Variants in FYB1 observed in about 807,000 individuals in gnomAD.
FYB1 encodes FYN binding protein 1.
FYB1 carries 41 observed loss-of-function variants against 94.1 expected under a neutral mutation model. That is an observed-to-expected ratio of 0.44 (90% CI 0.34 to 0.57). The LOEUF is 0.57. Among genes scored for constraint, FYB1 ranks in the 20% least tolerant of loss-of-function variants. The pLI, the probability that FYB1 is intolerant of heterozygous loss-of-function variation, is 0.02. For synonymous variants in FYB1, 367 were observed against 353.2 expected, an observed-to-expected ratio of 1.04 and a Z score of -0.44; for missense variants, 1,050 against 976.8, an observed-to-expected ratio of 1.07 and a Z score of -1.00.
At chr5:39,144,362 A>G (rs1405692262) in intron 3 of FYB1, among the ~76,000 whole-genome samples, 1 of 152,234 alleles carries the variant, frequency 6.6e-6, no homozygotes, top group Non-Finnish European at 1.5e-5. Flanking sequence ...AATACAGAGG[A>G]GACAGGGACA....
upstream of FYB1, among the ~76,000 whole-genome samples, chr5:39,220,508 A>C (rs1033853583): frequency 6.6e-6 from 1 of 152,016 alleles, no homozygotes; most frequent in Non-Finnish European, 1.5e-5. Context: ...AAAGAAAAGA[A>C]AAGACAAGAA....
chr5:39,142,066 T>G (rs1461885421), intron 3 of FYB1, among the ~76,000 whole-genome samples: 2 of 152,204 alleles, frequency 1.3e-5, no homozygotes, highest in Admixed American at 1.3e-4. Flanking sequence ...TGACCATTTA[T>G]ATTTTCTATT....
chr5:39,146,395 C>T (rs190533735), intron 3 of FYB1, among the ~76,000 whole-genome samples: 1 of 152,256 alleles, frequency 6.6e-6, no homozygotes, highest in East Asian at 1.9e-4. Context: ...CACTACCAGG[C>T]CATAAACACC....
intron 2 of FYB1, among the ~76,000 whole-genome samples, chr5:39,159,915 T>C (rs1180434575): frequency 2.0e-5 from 3 of 152,266 alleles, no homozygotes; most frequent in Non-Finnish European, 4.4e-5. Context: ...TCTGATATCT[T>C]CAACTCTATA....
chr5:39,216,255 T>C (rs1444773772), intron 1 of FYB1, among the ~76,000 whole-genome samples: 2 of 152,228 alleles, frequency 1.3e-5, no homozygotes, highest in African/African-American at 2.4e-5. Flanking sequence ...TTAAACTTTT[T>C]TCGTGTGTGT....
intron 1 of FYB1, among the ~76,000 whole-genome samples, chr5:39,258,948 A>C (rs1196027900): frequency 6.6e-6 from 1 of 152,152 alleles, no homozygotes; most frequent in Admixed American, 6.6e-5. Context: ...CACTCTGTGA[A>C]ACCAAGGGCA....
At position 39,124,514 on chromosome 5, in the gene FYB1, C is replaced by T. The variant is rs181744871; in HGVS notation, c.2046-236G>A. Among the ~76,000 whole-genome samples the T allele has an allele frequency of 1.3e-3, 200 of 152,190 alleles. 1 individual carries two copies. The Middle Eastern group carries it at 0.024, about 18-fold the overall frequency. ...AAATGTTTGCCAAAATGTCCAGAGT[C>T]AAGATACTCAATTGGTTTATTTTGC... On this transcript the variant is annotated intron_variant, in intron 12 of 18. Coordinates refer to ENST00000512982, the MANE Select transcript of FYB1 (RefSeq NM_001465.6).
intron 1 of FYB1, among the ~76,000 whole-genome samples, chr5:39,204,261 A>G (rs1312174901): frequency 6.6e-6 from 1 of 152,106 alleles, no homozygotes; most frequent in East Asian, 1.9e-4. Context: ...GGGTAAATAC[A>G]TGTGCTTTGT....
At chr5:39,218,555 T>G (rs1750057142) in intron 1 of FYB1, among the ~76,000 whole-genome samples, 2 of 152,220 alleles carry the variant, frequency 1.3e-5, no homozygotes. Context: ...ATATTAATTA[T>G]TATTTTACAT....
chr5:39,189,275 T>C (rs1747148692), intron 2 of FYB1, among the ~76,000 whole-genome samples: 1 of 150,912 alleles, frequency 6.6e-6, no homozygotes, highest in African/African-American at 2.4e-5. Context: ...TATTAGGCAT[T>C]GAAAATAAAC....
intron 2 of FYB1, among the ~76,000 whole-genome samples, chr5:39,189,916 C>T (rs1747207431): frequency 6.6e-6 from 1 of 152,184 alleles, no homozygotes; most frequent in Admixed American, 6.5e-5. Context: ...AATCCCCAAA[C>T]CCATCCAAGT....
intron 2 of FYB1, among the ~76,000 whole-genome samples, chr5:39,154,642 G>A (rs1235059553): frequency 6.6e-6 from 1 of 151,996 alleles, no homozygotes; most frequent in African/African-American, 2.4e-5. Flanking sequence ...GAGTAGCTGG[G>A]ATTATAGGTG....
intron 1 of FYB1, among the ~76,000 whole-genome samples, chr5:39,245,815 G>T (rs539009148): frequency 5.3e-5 from 8 of 152,292 alleles, no homozygotes; most frequent in African/African-American, 1.9e-4. Flanking sequence ...GGCCAGGCTG[G>T]TCTCGAACTC....
intron 1 of FYB1, among the ~76,000 whole-genome samples, chr5:39,237,399 C>T (rs1208618353): frequency 1.3e-5 from 2 of 151,718 alleles, no homozygotes; most frequent in Non-Finnish European, 2.9e-5. Flanking sequence ...GTCTGTGGGT[C>T]CAGGTGTTAT....
intron 2 of FYB1, among the ~76,000 whole-genome samples, chr5:39,180,434 T>A (rs1401159944): frequency 1.3e-5 from 2 of 152,166 alleles, no homozygotes; most frequent in South Asian, 2.1e-4. Context: ...TAGGAGGAGA[T>A]CCTTTGTAAC....
chr5:39,175,540 A>T (rs1019990362), intron 2 of FYB1, among the ~76,000 whole-genome samples: 2 of 152,208 alleles, frequency 1.3e-5, no homozygotes, highest in Non-Finnish European at 2.9e-5. Context: ...TTGCTGTGAA[A>T]GCAGGTAGAA....
chr5:39,158,161 AT>A (rs1421398936), intron 2 of FYB1, among the ~76,000 whole-genome samples: 3 of 152,222 alleles, frequency 2.0e-5, no homozygotes. Flanking sequence ...CACAAAAACA[AT>A]TCTTAAAAAT....
At chr5:39,133,017 T>A (rs899566401) in intron 9 of FYB1, among the ~76,000 whole-genome samples, 2 of 152,320 alleles carry the variant, frequency 1.3e-5, no homozygotes, top group South Asian at 4.1e-4. Flanking sequence ...ATAATTTATG[T>A]TTAGAACATG....
rs1580352392 is a variant in FYB1 at position 39,134,924 on chromosome 5, G to T, written c.1606C>A (p.Gln536Lys). The change falls in exon 8 of 19, where the codon CAA becomes AAA. Residue 536 changes from glutamine to lysine, a missense_variant. Coordinates refer to ENST00000512982, the MANE Select transcript of FYB1 (RefSeq NM_001465.6). ...TCTGTGATGCGGATGATTTCAATTTGCTCTCCTTGCTTGAAGCTCAGTTCA... is the reference window on the plus strand; with the variant it reads ...TCTGTGATGCGGATGATTTCAATTTTCTCTCCTTGCTTGAAGCTCAGTTCA... ...KNELSFKQGE[Q>K]IEIIRITDNP... 1.2e-6 allele frequency: 2 copies of T among 1,613,882 alleles called. No homozygotes were observed. Among genetic ancestry groups the T allele is most frequent in the East Asian group, 2.2e-5 (1 of 44,878 alleles).
Sources: gnomAD v4.1 joint callset for allele counts (sites outside exome capture counted in the v4.1 genomes callset) on GRCh38, gnomAD v4.1.1 for gene constraint, MANE v1.5 for transcripts, NCBI Gene and HGNC (gene_info 2026-07-23, HGNC 2026-07-21) for gene names.